Variants in SPIDR observed in about 807,000 individuals in gnomAD.
SPIDR encodes DNA repair-scaffolding protein.
Under a neutral mutation model 104.6 loss-of-function variants are expected in SPIDR, and 93 were observed. That is an observed-to-expected ratio of 0.89 (90% CI 0.75 to 1.06). SPIDR has a LOEUF of 1.06. SPIDR is among the 50% of genes least tolerant of loss of function. The pLI, the probability that SPIDR is intolerant of heterozygous loss-of-function variation, is 0.00. For synonymous variants in SPIDR, 431 were observed against 416.9 expected, an observed-to-expected ratio of 1.03 and a Z score of -0.41; for missense variants, 1,154 against 1,111.2, an observed-to-expected ratio of 1.04 and a Z score of -0.55.
chr8:47,560,299 T>A (rs2056897622), intron 8 of SPIDR, among the ~76,000 whole-genome samples: 1 of 152,188 alleles, frequency 6.6e-6, no homozygotes, highest in African/African-American at 2.4e-5. Flanking sequence ...AAGGGAAGAC[T>A]TCTCCTCTCC....
intron 8 of SPIDR, among the ~76,000 whole-genome samples, chr8:47,524,382 T>G (rs2084656910): frequency 6.6e-6 from 1 of 152,182 alleles, no homozygotes; most frequent in Non-Finnish European, 1.5e-5. Flanking sequence ...CAGATTAAAA[T>G]GTGTGTATTT....
intron 10 of SPIDR, among the ~76,000 whole-genome samples, chr8:47,601,846 C>T (rs1325051339): frequency 6.6e-6 from 1 of 152,118 alleles, no homozygotes; most frequent in African/African-American, 2.4e-5. Context: ...AACTAACGGC[C>T]GTAGTGCTAG....
intron 8 of SPIDR, among the ~76,000 whole-genome samples, chr8:47,483,004 C>T (rs782122750): frequency 2.6e-5 from 4 of 152,092 alleles, no homozygotes; most frequent in Non-Finnish European, 4.4e-5. Context: ...AAGGAAAGGC[C>T]GCCCCTCTGC....
chr8:47,691,601 C>T (rs2078665353), intron 11 of SPIDR, among the ~76,000 whole-genome samples: 1 of 152,170 alleles, frequency 6.6e-6, no homozygotes, highest in Non-Finnish European at 1.5e-5. Flanking sequence ...ATTCACATGG[C>T]CACAGTTTTA....
intron 5 of SPIDR, among the ~76,000 whole-genome samples, chr8:47,328,659 G>A (rs1353659968): frequency 2.0e-5 from 3 of 151,994 alleles, no homozygotes; most frequent in Non-Finnish European, 4.4e-5. Context: ...TTAGTGTATT[G>A]TATCTCTTAT....
chr8:47,489,509 G>T (rs528315034), intron 8 of SPIDR, among the ~76,000 whole-genome samples: 2 of 152,178 alleles, frequency 1.3e-5, no homozygotes, highest in East Asian at 3.9e-4. Flanking sequence ...ATTCTTTAAA[G>T]TTCCTATGGA....
chr8:47,285,637 C>T (rs1300817536), intron 3 of SPIDR, among the ~76,000 whole-genome samples: 1 of 152,180 alleles, frequency 6.6e-6, no homozygotes, highest in Non-Finnish European at 1.5e-5. Context: ...CCCCAGGTCT[C>T]TTCACATTGT....
intron 8 of SPIDR, among the ~76,000 whole-genome samples, chr8:47,556,879 C>CA (rs140972202): frequency 0.018 from 2,765 of 152,218 alleles, 86 homozygotes; most frequent in African/African-American, 0.064. Flanking sequence ...GCTGAGATTC[C>CA]AGGCATGAAC....
chr8:47,345,964 T>C (rs897656273), intron 5 of SPIDR, among the ~76,000 whole-genome samples: 7 of 152,182 alleles, frequency 4.6e-5, no homozygotes, highest in Admixed American at 1.3e-4. Context: ...TTTCTTTCTC[T>C]TGCCTGATTG....
At chr8:47,398,111 G>A (rs1179267557) in intron 6 of SPIDR, among the ~76,000 whole-genome samples, 2 of 152,180 alleles carry the variant, frequency 1.3e-5, no homozygotes, top group African/African-American at 2.4e-5. Context: ...AAAAAAGAAT[G>A]TAATTTGTAA....
chr8:47,648,482 G>A (rs946323473), intron 10 of SPIDR, among the ~76,000 whole-genome samples: 1 of 152,206 alleles, frequency 6.6e-6, no homozygotes, highest in African/African-American at 2.4e-5. Context: ...AAGATGGATG[G>A]GTGAATGAAC....
chr8:47,605,974 T>G (rs1484104138), intron 10 of SPIDR, among the ~76,000 whole-genome samples: 1 of 152,210 alleles, frequency 6.6e-6, no homozygotes, highest in Non-Finnish European at 1.5e-5. Flanking sequence ...TTTATTTCTA[T>G]GCTTTTGGCC....
rs192114624 is a variant in SPIDR at position 47,260,969 on chromosome 8, G to A, written c.11G>A (p.Gly4Asp). The A allele has an allele frequency of 0.011, 13,371 of 1,230,158 alleles. 1,125 individuals carry two copies. In the African/African-American group the frequency reaches 0.18, roughly 17 times the overall value. The allele number at this position is 1,230,158 out of a possible 1,614,324, so 76.2% of individuals were successfully genotyped here. MPR[G>D]SRARGSKRKR... Reference sequence around the variant, plus strand: ...GCGGCGCTCCCGGAGATGCCCCGCGGCAGCCGCGCTCGGGGCTCTAAGGTA... The same window carrying A: ...GCGGCGCTCCCGGAGATGCCCCGCGACAGCCGCGCTCGGGGCTCTAAGGTA... Residue 4 changes from glycine (G) to aspartate (D), a missense_variant, in exon 1 of 20, where the codon GGC (glycine) becomes GAC (aspartate). By Grantham distance (94) the Gly-to-Asp change is moderately conservative. Coordinates refer to ENST00000297423, the MANE Select transcript of SPIDR (RefSeq NM_001080394.4).
At chr8:47,510,905 A>G (rs2082216961) in intron 8 of SPIDR, 2 of 528,758 alleles carry the variant, frequency 3.8e-6, no homozygotes, top group East Asian at 3.0e-5. Context: ...CTAAGAACCT[A>G]GAGCTGTGGA....
intron 11 of SPIDR, among the ~76,000 whole-genome samples, chr8:47,691,788 G>A (rs559786627): frequency 3.3e-5 from 5 of 152,318 alleles, no homozygotes; most frequent in South Asian, 2.1e-4. Flanking sequence ...GGACCGATGG[G>A]CACACCGGGG....
At chr8:47,569,300 A>T (rs889676074) in intron 8 of SPIDR, among the ~76,000 whole-genome samples, 2 of 152,228 alleles carry the variant, frequency 1.3e-5, no homozygotes, top group African/African-American at 2.4e-5. Context: ...GGAGAAATAG[A>T]CAGTTCTAAA....
rs976456207 is a variant in SPIDR at position 47,532,319 on chromosome 8, T to C, written c.1098-63492T>C. Among the ~76,000 whole-genome samples the C allele has an allele frequency of 5.9e-5, 9 of 152,294 alleles. No individual in the cohort carries two copies. In the East Asian group the frequency reaches 1.4e-3, roughly 23 times the overall value. On this transcript the variant is annotated intron_variant, in intron 8 of 19. Coordinates refer to ENST00000297423, the MANE Select transcript of SPIDR (RefSeq NM_001080394.4). Reference sequence around the variant, plus strand: ...CCCGACCTCAGGTGATCCACCTGCCTTGGCCTCCCAAAGTGCTGGGATTAT... The same window carrying C: ...CCCGACCTCAGGTGATCCACCTGCCCTGGCCTCCCAAAGTGCTGGGATTAT...
chr8:47,376,905 C>T (rs1295615390), intron 5 of SPIDR, among the ~76,000 whole-genome samples: 2 of 152,258 alleles, frequency 1.3e-5, no homozygotes, highest in Non-Finnish European at 2.9e-5. Context: ...TGGCCTATCA[C>T]CTGTCTCCAT....
chr8:47,630,787 CT>C (rs986247373), intron 10 of SPIDR, among the ~76,000 whole-genome samples: 50 of 152,196 alleles, frequency 3.3e-4, no homozygotes, highest in African/African-American at 1.1e-3. Context: ...CTATAGCCCC[CT>C]ATGGTCTTCC....
Sources: allele counts gnomAD v4.1 joint callset (sites outside exome capture counted in the v4.1 genomes callset), GRCh38; gene constraint gnomAD v4.1.1; transcripts MANE v1.5; gene names NCBI Gene and HGNC (gene_info 2026-07-23, HGNC 2026-07-21).